FRMD1: variants seen among roughly 807,000 people sequenced by gnomAD.
FRMD1 encodes FERM domain containing 1.
Under a neutral mutation model 54.9 loss-of-function variants are expected in FRMD1, and 51 were observed. The observed-to-expected ratio is 0.93, with a 90% CI of 0.74 to 1.17. The LOEUF is 1.17. FRMD1 is among the 50% of genes most tolerant of loss of function. FRMD1 has a pLI of 0.00. For synonymous variants in FRMD1, 324 were observed against 306.4 expected, an observed-to-expected ratio of 1.06 and a Z score of -0.60; for missense variants, 729 against 743.0, an observed-to-expected ratio of 0.98 and a Z score of 0.22.
At chr6:168,063,289 G>A (rs950687580) in intron 6 of FRMD1, among the ~76,000 whole-genome samples, 2 of 134,078 alleles carry the variant, frequency 1.5e-5, no homozygotes, top group African/African-American at 2.9e-5. Context: ...TCTTAGCCAC[G>A]GGGGCTCCAT....
At chr6:168,088,678 C>A (rs1246979930) in intron 1 of FRMD1, among the ~76,000 whole-genome samples, 1 of 152,096 alleles carries the variant, frequency 6.6e-6, no homozygotes, top group Admixed American at 6.5e-5. Flanking sequence ...GTAGAGAGAA[C>A]CCCCAGGCTA....
intron 2 of FRMD1, among the ~76,000 whole-genome samples, chr6:168,072,317 T>C (rs1169027126): frequency 1.3e-5 from 2 of 152,180 alleles, no homozygotes; most frequent in Non-Finnish European, 2.9e-5. Flanking sequence ...ACCTGCTGTC[T>C]CTAGGTTTCG....
Position 168,079,057 on chromosome 6 carries a change from G to C in FRMD1, c.38C>G (p.Ala13Gly). ...VPPRGRGIDP[A>G]RTNPDTFPPS... is the part of the protein sequence containing the mutation. The stretch of plus-strand genomic sequence containing the variant: ...AGGGAACGTGTCAGGGTTTGTCCGG[G>C]CGGGGTCTATGCCCCTCCCTCTCGG... The change falls in exon 1 of 11, where the codon GCC becomes GGC. Residue 13 changes from alanine (A) to glycine (G), a missense_variant. By Grantham distance (60) the Ala-to-Gly change is moderately conservative. Transcript: ENST00000283309. 2 of 1,610,034 alleles carry C rather than the reference G, an allele frequency of 1.2e-6. No homozygotes were observed. Among genetic ancestry groups the C allele is most frequent in the Admixed American group, 1.7e-5 (1 of 60,018 alleles).
intron 2 of FRMD1, among the ~76,000 whole-genome samples, chr6:168,070,834 G>A (rs2114995645): frequency 6.6e-6 from 1 of 152,316 alleles, no homozygotes; most frequent in South Asian, 2.1e-4. Context: ...CTGTCTGCTG[G>A]AGGACCGGCA....
chr6:168,066,023 T>A (rs1583182419), intron 4 of FRMD1: 2 of 1,000,160 alleles, frequency 2.0e-6, no homozygotes, highest in South Asian at 9.4e-5. Context: ...GCCCACCAGA[T>A]GTACAACTTA....
At position 168,064,892 on chromosome 6, in the gene FRMD1, T is replaced by C; in HGVS notation, c.627A>G (p.Pro209=). 1 of 1,577,132 alleles carries C rather than the reference T, an allele frequency of 6.3e-7. No homozygotes were observed. The highest frequency in any genetic ancestry group is 2.4e-5 in the East Asian group (1 of 42,512). Residue 209 remains proline, a synonymous_variant, in exon 5 of 11, where the codon CCA becomes CCG. Coordinates refer to ENST00000283309, the MANE Select transcript of FRMD1 (RefSeq NM_024919.6). The stretch of plus-strand genomic sequence containing the variant: ...TTACCCACTGTGGGAAGTAGGAGTG[T>C]GGCTCGAAGTACCTCCCGGCATGGG... ...ESAHAGRYFE[P]HSYFPQWIIT...
chr6:168,082,464 G>C (rs918794015), upstream of FRMD1, among the ~76,000 whole-genome samples: 2 of 152,198 alleles, frequency 1.3e-5, no homozygotes. Context: ...GTGCCCGCTG[G>C]GTCCCCAGGA....
At chr6:168,088,237 A>C (rs1800955084) in intron 1 of FRMD1, among the ~76,000 whole-genome samples, 1 of 152,174 alleles carries the variant, frequency 6.6e-6, no homozygotes, top group Admixed American at 6.5e-5. Context: ...TGTGAGCCCG[A>C]AGACTGCAGC....
At chr6:168,062,561 C>T (rs1046187197) in intron 7 of FRMD1, 1 of 1,139,382 alleles carries the variant, frequency 8.8e-7, no homozygotes. Flanking sequence ...GAGAGGCCGG[C>T]AGGAAGGGAC....
chr6:168,061,410 C>T (rs1397113847), intron 8 of FRMD1, among the ~76,000 whole-genome samples: 1 of 151,724 alleles, frequency 6.6e-6, no homozygotes, highest in African/African-American at 2.4e-5. Context: ...TGGGTAAACA[C>T]TAAGGCCAGG....
intron 2 of FRMD1, among the ~76,000 whole-genome samples, chr6:168,069,053 A>G (rs1403124788): frequency 1.3e-5 from 2 of 152,184 alleles, no homozygotes; most frequent in Non-Finnish European, 2.9e-5. Context: ...CAACCACAGC[A>G]ACTCACTGCT....
rs372731548 is a variant in FRMD1, at chr6:168,078,954, G to A, written c.141C>T (p.Asp47=). ...CATCCCTGTGTTCCGAGGCCATCGCGTCCATTCCCAGGGTCGGCTCCTGCT... is the reference window on the plus strand; with the variant it reads ...CATCCCTGTGTTCCGAGGCCATCGCATCCATTCCCAGGGTCGGCTCCTGCT... ...CSQQEPTLGM[D]AMASEHRDVL... The change falls in exon 1 of 11, where the codon GAC becomes GAT. Residue 47 remains aspartate (D), a synonymous_variant. Transcript: ENST00000283309. 7.0e-5 allele frequency: 113 copies of A among 1,610,810 alleles called. No individual in the cohort carries two copies. The highest frequency in any genetic ancestry group is 1.6e-4 in the Middle Eastern group (1 of 6,080).
chr6:168,070,156 T>C (rs1363315710), intron 2 of FRMD1, among the ~76,000 whole-genome samples: 1 of 148,624 alleles, frequency 6.7e-6, no homozygotes, highest in Non-Finnish European at 1.5e-5. Flanking sequence ...GCCATGATCA[T>C]AGCACTGCAT....
chr6:168,065,198 C>T, intron 4 of FRMD1, 141 bp from the exon 5 acceptor site: 2 of 1,424,210 alleles, frequency 1.4e-6, no homozygotes, highest in Non-Finnish European at 9.2e-7. Context: ...GTTATACCCA[C>T]AGCTGTGTCC....
intron 2 of FRMD1, among the ~76,000 whole-genome samples, chr6:168,074,983 GT>G (rs1800512990): frequency 6.6e-6 from 1 of 151,598 alleles, no homozygotes; most frequent in Non-Finnish European, 1.5e-5. Context: ...TGCAAGTGGT[GT>G]GTAACTGTGT....
rs183803126 is a variant in FRMD1, at chr6:168,070,643, C to T, written c.305-3197G>A. On this transcript the variant is annotated intron_variant, in intron 2 of 10. Coordinates refer to ENST00000283309, the MANE Select transcript of FRMD1 (RefSeq NM_024919.6). ...AACAATCATATGAGCCAGTTCTTTA[C>T]AATAAATCAGCTTCTCTCTTTCTCC... 2.0e-5 allele frequency among the ~76,000 whole-genome samples: 3 copies of T among 152,346 alleles called. No homozygotes were observed. In the East Asian group the frequency reaches 5.8e-4, roughly 29 times the overall value.
intron 1 of FRMD1, among the ~76,000 whole-genome samples, chr6:168,090,087 C>A (rs1189065976): frequency 6.6e-6 from 1 of 152,176 alleles, no homozygotes; most frequent in Non-Finnish European, 1.5e-5. Flanking sequence ...GCGTTACCCC[C>A]AGAACCCACC....
At position 168,057,276 on chromosome 6, in the gene FRMD1, G is replaced by C. The variant is rs777494064; in HGVS notation, c.1471C>G (p.Leu491Val). 2.5e-6 allele frequency: 4 copies of C among 1,612,144 alleles called. No individual in the cohort carries two copies. The African/African-American group carries it at 5.3e-5, about 22-fold the overall frequency. Residue 491 changes from leucine to valine, a missense_variant, in exon 11 of 11, where the codon CTG becomes GTG. By Grantham distance (32) the Leu-to-Val change is conservative. Coordinates refer to ENST00000283309, the MANE Select transcript of FRMD1 (RefSeq NM_024919.6). The part of the protein sequence containing the change: ...QHSHGLDDMQ[L>V]HQLALHPAPT... ...GCTGGGTGCAGGGCCAGCTGGTGCA[G>C]CTGCATGTCGTCCAGGCCATGGCTG...
intron 10 of FRMD1, 25 bp from the exon 11 acceptor site, chr6:168,057,364 G>A: frequency 4.4e-6 from 7 of 1,602,896 alleles, no homozygotes; most frequent in Non-Finnish European, 5.9e-6. Context: ...CATGGGATGA[G>A]GCCTGCTGCC....
Sources: gnomAD v4.1 joint callset for allele counts (sites outside exome capture counted in the v4.1 genomes callset) on GRCh38, gnomAD v4.1.1 for gene constraint, MANE v1.5 for transcripts, NCBI Gene and HGNC (gene_info 2026-07-23, HGNC 2026-07-21) for gene names.